Variants in RGS7 observed in about 807,000 individuals in gnomAD.
RGS7 encodes the protein regulator of G-protein signaling 7.
A neutral mutation model predicts 81.1 loss-of-function variants in RGS7; 27 were observed. That is an observed-to-expected ratio of 0.33 (90% CI 0.25 to 0.46). RGS7 has a LOEUF of 0.46. RGS7 is among the 20% of genes least tolerant of loss of function. The probability of loss-of-function intolerance (pLI) is 1.00; values close to 1 mark genes in which losing one functional copy is unlikely to be tolerated. For synonymous variants in RGS7, 208 were observed against 207.7 expected, an observed-to-expected ratio of 1.00 and a Z score of -0.01; for missense variants, 396 against 607.4, an observed-to-expected ratio of 0.65 and a Z score of 3.66.
At chr1:240,954,558 G>GAAA (rs71172663) in intron 4 of RGS7, among the ~76,000 whole-genome samples, 31 of 151,280 alleles carry the variant, frequency 2.0e-4, no homozygotes, top group Admixed American at 7.9e-4. Context: ...CCATGTAAAA[G>GAAA]AAAAAAAAAC....
At chr1:240,978,679 A>G (rs1684499015) in intron 4 of RGS7, among the ~76,000 whole-genome samples, 1 of 152,314 alleles carries the variant, frequency 6.6e-6, no homozygotes, top group African/African-American at 2.4e-5. Context: ...ATATCAGTAA[A>G]TGTTGTTTCA....
chr1:241,078,181 A>G (rs2062917830), intron 3 of RGS7, among the ~76,000 whole-genome samples: 1 of 148,778 alleles, frequency 6.7e-6, no homozygotes, highest in Non-Finnish European at 1.5e-5. Context: ...ATATATAAAT[A>G]ATATATATGT....
At chr1:240,806,014 AT>A in intron 15 of RGS7, 125 bp downstream of exon 15, 1 of 845,868 alleles carries the variant, frequency 1.2e-6, no homozygotes, top group Non-Finnish European at 2.0e-6. Flanking sequence ...AGTTAGAGTT[AT>A]TTTACAGTTA....
chr1:241,108,366 C>CAGA (rs1316008368), intron 2 of RGS7, among the ~76,000 whole-genome samples: 1 of 149,608 alleles, frequency 6.7e-6, no homozygotes, highest in African/African-American at 2.5e-5. Flanking sequence ...GAACGTTGGA[C>CAGA]AGACAAGTCA....
chr1:241,332,200 G>A (rs1163134012), intron 2 of RGS7, among the ~76,000 whole-genome samples: 2 of 152,188 alleles, frequency 1.3e-5, no homozygotes, highest in Admixed American at 1.3e-4. Flanking sequence ...GTTAGGGGCT[G>A]TCTAGAGGAG....
At chr1:240,840,224 C>A (rs1338563378) in intron 9 of RGS7, among the ~76,000 whole-genome samples, 1 of 152,076 alleles carries the variant, frequency 6.6e-6, no homozygotes, top group African/African-American at 2.4e-5. Context: ...TCGTCATGCT[C>A]AGGATAAAAG....
intron 2 of RGS7, among the ~76,000 whole-genome samples, chr1:241,236,918 T>A: frequency 6.6e-6 from 1 of 152,178 alleles, no homozygotes; most frequent in East Asian, 1.9e-4. Flanking sequence ...AGTAAAGCAA[T>A]CTTCTTTCTT....
Position 241,067,225 on chromosome 1 carries a change from C to T in RGS7, c.175+31441G>A, listed in dbSNP as rs374953397. Reference sequence around the variant, plus strand: ...ACTATGAAGATCAACTCTCTCTTCCCCACTACAATGGAAGCTTTCGAAGTA... The same window carrying T: ...ACTATGAAGATCAACTCTCTCTTCCTCACTACAATGGAAGCTTTCGAAGTA... On this transcript the variant is annotated intron_variant, in intron 3 of 18. Transcript: ENST00000440928. Among the ~76,000 whole-genome samples the T allele has an allele frequency of 1.4e-4, 22 of 152,166 alleles. No homozygotes were observed. In the East Asian group the frequency reaches 1.7e-3, roughly 12 times the overall value.
chr1:241,006,900 ACTTTCT>A (rs1207258106), intron 3 of RGS7, among the ~76,000 whole-genome samples: 1 of 152,022 alleles, frequency 6.6e-6, no homozygotes, highest in African/African-American at 2.4e-5. Flanking sequence ...TAGGAAATGC[ACTTTCT>A]CTTTCTTCTT....
intron 3 of RGS7, among the ~76,000 whole-genome samples, chr1:241,078,485 A>ATGTGTGTGTGTGTGTGTGTGTGTG (rs60742879): frequency 7.0e-6 from 1 of 143,564 alleles, no homozygotes; most frequent in African/African-American, 2.6e-5. Context: ...CACGTAAGTT[A>ATGTGTGTGTGTGTGTGTGTGTGTG]TGTGTGTGTG....
At chr1:241,323,882 A>G (rs2081345080) in intron 2 of RGS7, among the ~76,000 whole-genome samples, 2 of 152,212 alleles carry the variant, frequency 1.3e-5, no homozygotes, top group Non-Finnish European at 2.9e-5. Context: ...CCCTGTGACA[A>G]AAAGGCCTAG....
chr1:241,166,099 CAG>C (rs1321369627), intron 2 of RGS7, among the ~76,000 whole-genome samples: 12 of 152,078 alleles, frequency 7.9e-5, no homozygotes, highest in African/African-American at 2.7e-4. Context: ...GGGTGGGGAA[CAG>C]GGGTAGAATT....
At chr1:241,014,533 GCT>G (rs1482833004) in intron 3 of RGS7, among the ~76,000 whole-genome samples, 1 of 152,198 alleles carries the variant, frequency 6.6e-6, no homozygotes, top group Non-Finnish European at 1.5e-5. Flanking sequence ...ACTTTTGCAA[GCT>G]CTCTCCAGTC....
intron 5 of RGS7, 97 bp from the exon 6 acceptor site, chr1:240,930,865 A>G (rs1572824118): frequency 8.6e-7 from 1 of 1,163,780 alleles, no homozygotes; most frequent in Middle Eastern, 1.9e-4. Context: ...AATTCTCTAT[A>G]TTAGTTTGCT....
At chr1:241,042,080 T>G (rs2060650391) in intron 3 of RGS7, among the ~76,000 whole-genome samples, 2 of 152,120 alleles carry the variant, frequency 1.3e-5, no homozygotes, top group South Asian at 4.1e-4. Flanking sequence ...GGATCTCCCA[T>G]AGTATATAGA....
chr1:241,274,834 A>T (rs2078105597), intron 2 of RGS7, among the ~76,000 whole-genome samples: 2 of 152,192 alleles, frequency 1.3e-5, no homozygotes. Flanking sequence ...CCTGGTTCAT[A>T]TCAGCCTGAG....
intron 2 of RGS7, among the ~76,000 whole-genome samples, chr1:241,329,099 A>G (rs994442459): frequency 1.1e-4 from 17 of 152,196 alleles, no homozygotes; most frequent in African/African-American, 4.1e-4. Context: ...AAAAAGCTTC[A>G]TATCTGTAAA....
chr1:241,121,710 C>CTTTTTTTTTTTT lies in RGS7; in HGVS notation c.79-22960_79-22949dup, dbSNP rs10681773. Reference sequence around the variant, plus strand: ...TCTATCCACCTGTGTTGCAATTGTTCTTTTTTTTTTTTTTTTTTTTTTTTT... The same window carrying CTTTTTTTTTTTT: ...TCTATCCACCTGTGTTGCAATTGTTCTTTTTTTTTTTTTTTTTTTTTTTTTTTTTTTTTTTTT... On this transcript the variant is annotated intron_variant, in intron 2 of 18. Coordinates refer to ENST00000440928, the MANE Select transcript of RGS7 (RefSeq NM_001364886.1). Among the ~76,000 whole-genome samples the CTTTTTTTTTTTT allele has an allele frequency of 8.1e-4, 54 of 66,406 alleles. 8 individuals carry two copies. Among genetic ancestry groups the CTTTTTTTTTTTT allele is most frequent in the East Asian group, 2.2e-3 (4 of 1,804 alleles). The allele number at this position is 66,406 out of a possible 152,430, so 43.6% of individuals were successfully genotyped here. A position where few individuals can be genotyped will look rare whatever the true frequency, so the allele number is the denominator to read the frequency against.
intron 6 of RGS7, among the ~76,000 whole-genome samples, chr1:240,896,509 C>T (rs1167472887): frequency 1.3e-5 from 2 of 152,156 alleles, no homozygotes; most frequent in Non-Finnish European, 2.9e-5. Context: ...TATGGCTAGC[C>T]AGTTTTCCCA....
Sources: gnomAD v4.1 joint callset for allele counts (sites outside exome capture counted in the v4.1 genomes callset) on GRCh38, gnomAD v4.1.1 for gene constraint, MANE v1.5 for transcripts, NCBI Gene and HGNC (gene_info 2026-07-23, HGNC 2026-07-21) for gene names.